PDE8B: variants seen among roughly 807,000 people sequenced by gnomAD.
PDE8B encodes phosphodiesterase 8B, also known as high affinity cAMP-specific and IBMX-insensitive 3',5'-cyclic phosphodiesterase 8B.
In PDE8B, 26 loss-of-function variants were observed where a neutral mutation model predicts 101.3. The ratio of observed to expected loss-of-function variants is 0.26; its 90% CI spans 0.19 to 0.36. The LOEUF (loss-of-function observed/expected upper bound fraction) is 0.36, where lower values mean the gene tolerates loss of function less well. Ranked by LOEUF, PDE8B falls within the 10% of genes least tolerant of loss-of-function variation. PDE8B has a pLI of 1.00. For synonymous variants in PDE8B, 424 were observed against 429.3 expected (o/e 0.99, Z 0.15); for missense variants, 810 against 1,163.1 (o/e 0.70, Z 4.42).
chr5:77,371,160 C>G (rs1011350050), intron 10 of PDE8B, among the ~76,000 whole-genome samples: 1 of 152,074 alleles, frequency 6.6e-6, no homozygotes, highest in African/African-American at 2.4e-5. Context: ...ATTTTATGTT[C>G]GTTGTTTTCT....
At chr5:77,274,725 T>A (rs1763499887) in intron 1 of PDE8B, among the ~76,000 whole-genome samples, 1 of 152,154 alleles carries the variant, frequency 6.6e-6, no homozygotes, top group Non-Finnish European at 1.5e-5. Context: ...GATGGGAAAA[T>A]ACAGGATATT....
chr5:77,269,400 A>G (rs536108802), intron 1 of PDE8B, among the ~76,000 whole-genome samples: 21 of 152,270 alleles, frequency 1.4e-4, no homozygotes, highest in African/African-American at 3.8e-4. Context: ...GTTAGTTTGC[A>G]AATATTTTCT....
At chr5:77,120,186 T>G in the PDE8B span, among the ~76,000 whole-genome samples, 1 of 152,170 alleles carries the variant, frequency 6.6e-6, no homozygotes, top group East Asian at 1.9e-4. Flanking sequence ...TAATATGGTA[T>G]TTTCCTATTT....
chr5:77,393,938 T>C (rs920472551), intron 10 of PDE8B, among the ~76,000 whole-genome samples: 2 of 152,212 alleles, frequency 1.3e-5, no homozygotes, highest in African/African-American at 4.8e-5. Context: ...ATAAAGTCAA[T>C]GTCAATTCCT....
chr5:77,287,564 A>G (rs1766306715), intron 1 of PDE8B, among the ~76,000 whole-genome samples: 1 of 143,280 alleles, frequency 7.0e-6, no homozygotes, highest in Non-Finnish European at 1.6e-5. Flanking sequence ...CGTTCTCTCT[A>G]ATCCTACTGA....
At chr5:77,342,277 A>G (rs968678308) in intron 6 of PDE8B, among the ~76,000 whole-genome samples, 3 of 152,206 alleles carry the variant, frequency 2.0e-5, no homozygotes, top group African/African-American at 7.2e-5. Flanking sequence ...AATGCCTCAC[A>G]TAAACTATCT....
At chr5:77,116,224 A>ATATATATATATATATATATTTTTTT in the PDE8B span, among the ~76,000 whole-genome samples, 1 of 59,608 alleles carries the variant, frequency 1.7e-5, no homozygotes, top group African/African-American at 7.2e-5. Context: ...ATATATATAT[A>ATATATATATATATATATATTTTTTT]TTTTTTTTTT....
At chr5:77,138,015 G>A in the PDE8B span, among the ~76,000 whole-genome samples, 2 of 151,796 alleles carry the variant, frequency 1.3e-5, no homozygotes, top group Non-Finnish European at 2.9e-5. Flanking sequence ...AAGTAATTGC[G>A]GTTTTTGCTA....
intron 10 of PDE8B, among the ~76,000 whole-genome samples, chr5:77,394,786 G>A (rs544626584): frequency 1.3e-4 from 19 of 151,886 alleles, no homozygotes; most frequent in Admixed American, 9.8e-4. Flanking sequence ...CTGCTTCCAG[G>A]AACTTCTCTT....
chr5:77,422,194 T>C (rs932094395), intron 20 of PDE8B, among the ~76,000 whole-genome samples: 1 of 152,182 alleles, frequency 6.6e-6, no homozygotes, highest in Admixed American at 6.5e-5. Context: ...CCAGAGTCTC[T>C]TGAGAAGGGG....
intron 1 of PDE8B, among the ~76,000 whole-genome samples, chr5:77,236,960 G>A (rs567263730): frequency 4.6e-5 from 7 of 152,194 alleles, no homozygotes; most frequent in East Asian, 1.9e-4. Context: ...TTGAAGCTCC[G>A]TTGTTTGCTA....
At chr5:77,387,902 C>T (rs534297589) in intron 10 of PDE8B, among the ~76,000 whole-genome samples, 14 of 152,052 alleles carry the variant, frequency 9.2e-5, no homozygotes, top group South Asian at 6.2e-4. Flanking sequence ...ATGAAGTTCT[C>T]GTGCTGTGTT....
At chr5:77,178,980 A>G in the PDE8B span, among the ~76,000 whole-genome samples, 1 of 152,250 alleles carries the variant, frequency 6.6e-6, no homozygotes, top group African/African-American at 2.4e-5. Context: ...ATGAAGTGTC[A>G]TTTGGTCACC....
intron 1 of PDE8B, among the ~76,000 whole-genome samples, chr5:77,276,668 GTGGAATTTTCAGGTAATTAATGCT>G (rs1389297123): frequency 2.6e-5 from 4 of 152,186 alleles, no homozygotes; most frequent in African/African-American, 9.7e-5. Flanking sequence ...AGTGATTGCA[GTGGAATTTTCAGGTAATTAATGCT>G]TAGCCCTTCA....
At chr5:77,114,075 A>G in the PDE8B span, 1 of 152,242 alleles carries the variant, frequency 6.6e-6, no homozygotes, top group Non-Finnish European at 1.5e-5. Context: ...AGTGTAAATT[A>G]GTTCAACCAT....
chr5:77,097,721 A>ATATATATATATC, the PDE8B span, among the ~76,000 whole-genome samples: 6 of 30,760 alleles, frequency 2.0e-4, no homozygotes, highest in African/African-American at 3.7e-4. Flanking sequence ...ATATATATAT[A>ATATATATATATC]TATATATATA....
chr5:77,334,860 G>A (rs1367431899), intron 5 of PDE8B, among the ~76,000 whole-genome samples: 1 of 152,116 alleles, frequency 6.6e-6, no homozygotes, highest in African/African-American at 2.4e-5. Flanking sequence ...CATGGTCCAT[G>A]AAAAAAGCCT....
intron 1 of PDE8B, among the ~76,000 whole-genome samples, chr5:77,284,717 T>C (rs1353173116): frequency 6.6e-6 from 1 of 152,190 alleles, no homozygotes; most frequent in Non-Finnish European, 1.5e-5. Flanking sequence ...TTAAGTAAAA[T>C]GAAGTAATAT....
At chr5:77,422,165 T>C (rs1796789468) in intron 20 of PDE8B, among the ~76,000 whole-genome samples, 177 bp downstream of exon 20, 1 of 152,232 alleles carries the variant, frequency 6.6e-6, no homozygotes, top group Non-Finnish European at 1.5e-5. Context: ...AGGAGCTGAC[T>C]GATGGGGCTG....
Sources: allele counts gnomAD v4.1 joint callset (sites outside exome capture counted in the v4.1 genomes callset), GRCh38; gene constraint gnomAD v4.1.1; transcripts MANE v1.5; gene names NCBI Gene and HGNC (gene_info 2026-07-23, HGNC 2026-07-21).